The following IL1RAPL2 variants were observed in gnomAD, a reference collection of about 807,000 sequenced individuals.
IL1RAPL2 encodes the protein interleukin 1 receptor accessory protein like 2, also known as X-linked interleukin-1 receptor accessory protein-like 2.
Under a neutral mutation model 44.1 loss-of-function variants are expected in IL1RAPL2, and 3 were observed. That is an observed-to-expected ratio of 0.07 (90% CI 0.03 to 0.18). The LOEUF is 0.18. Ranked by LOEUF, IL1RAPL2 falls within the 10% of genes least tolerant of loss-of-function variation. The pLI is 1.00. For missense variants in IL1RAPL2, 391 were observed against 496.4 expected, an observed-to-expected ratio of 0.79 and a Z score of 2.02; for synonymous variants, 181 against 178.8, an observed-to-expected ratio of 1.01 and a Z score of -0.10.
At chrX:104,660,091 C>A (rs1930360827) in intron 2 of IL1RAPL2, among the ~76,000 whole-genome samples, 1 of 111,380 alleles carries the variant, frequency 9.0e-6, no homozygotes, top group African/African-American at 3.3e-5. Context: ...AATATATTGT[C>A]TTTTTCTCTT....
chrX:104,917,837 C>T (rs964725670), intron 2 of IL1RAPL2, among the ~76,000 whole-genome samples: 5 of 111,614 alleles, frequency 4.5e-5, no homozygotes, highest in East Asian at 2.8e-4. Flanking sequence ...TTAAGAGTTT[C>T]GGACTGAATT....
At chrX:104,821,382 C>A (rs1385279076) in intron 2 of IL1RAPL2, among the ~76,000 whole-genome samples, 2 of 110,801 alleles carry the variant, frequency 1.8e-5, no homozygotes, top group African/African-American at 6.6e-5. Context: ...TCTCCTAATG[C>A]TGTCCCTCCC....
At position 104,897,482 on chromosome X, in the gene IL1RAPL2, C is replaced by T. The variant is rs187780798; in HGVS notation, c.82+238487C>T. The stretch of plus-strand genomic sequence containing the variant: ...GGGCTCATAATCTGATAAAGAGTCA[C>T]TTCATATTCTACTGGTCAAAATGCT... On this transcript the variant is annotated intron_variant, in intron 2 of 10. Coordinates refer to ENST00000372582, the MANE Select transcript of IL1RAPL2 (RefSeq NM_017416.2). 4.5e-5 allele frequency among the ~76,000 whole-genome samples: 5 copies of T among 112,032 alleles called. No individual in the cohort carries two copies. The East Asian group carries it at 1.1e-3, about 25-fold the overall frequency.
chrX:105,675,221 G>A lies in IL1RAPL2; in HGVS notation c.773-42146G>A, dbSNP rs146925376. ...TGTTGAATAGCAGTGGTGAGAAAGG[G>A]CATCTTTGTCTTGTGCCAGTTTTCA... On this transcript the variant is annotated intron_variant, in intron 6 of 10. Transcript: ENST00000372582. 1.0e-3 allele frequency among the ~76,000 whole-genome samples: 116 copies of A among 111,417 alleles called. 1 individual carries two copies. The highest frequency in any genetic ancestry group is 9.6e-3 in the East Asian group (34 of 3,537).
At chrX:105,405,269 A>G (rs1205760041) in intron 5 of IL1RAPL2, among the ~76,000 whole-genome samples, 1 of 111,665 alleles carries the variant, frequency 9.0e-6, no homozygotes, top group East Asian at 2.8e-4. Context: ...CTTCCTTTAT[A>G]TACCTTTAGG....
intron 2 of IL1RAPL2, among the ~76,000 whole-genome samples, chrX:105,036,637 C>T (rs967145038): frequency 8.9e-6 from 1 of 112,146 alleles, no homozygotes; most frequent in Non-Finnish European, 1.9e-5. Context: ...ACTTGCTTGT[C>T]TGTCCTGCAC....
chrX:104,881,714 T>C (rs932384280), intron 2 of IL1RAPL2, among the ~76,000 whole-genome samples: 1 of 112,163 alleles, frequency 8.9e-6, no homozygotes, highest in Non-Finnish European at 1.9e-5. Context: ...GTATCTGTCC[T>C]ATTGCAGAAC....
At chrX:104,608,233 T>TG (rs1165807920) in intron 1 of IL1RAPL2, among the ~76,000 whole-genome samples, 1 of 104,056 alleles carries the variant, frequency 9.6e-6, no homozygotes, top group African/African-American at 3.6e-5. Flanking sequence ...AGTCAGGGGG[T>TG]GGGGGGCTGT....
chrX:104,963,333 G>A (rs1318716325), intron 2 of IL1RAPL2, among the ~76,000 whole-genome samples: 1 of 111,942 alleles, frequency 8.9e-6, no homozygotes, highest in Non-Finnish European at 1.9e-5. Context: ...CAACCAAGGA[G>A]GTTTCATCAT....
intron 2 of IL1RAPL2, among the ~76,000 whole-genome samples, chrX:104,673,029 T>C (rs1300636205): frequency 1.8e-5 from 2 of 111,726 alleles, no homozygotes; most frequent in Non-Finnish European, 3.8e-5. Context: ...TGCAAAAATT[T>C]TCTCCCATTT....
chrX:105,209,005 C>T (rs2033786943), intron 3 of IL1RAPL2, among the ~76,000 whole-genome samples: 1 of 111,785 alleles, frequency 8.9e-6, no homozygotes, highest in Non-Finnish European at 1.9e-5. Context: ...TTTCATTTTG[C>T]TCACATGAAT....
At chrX:104,791,332 A>T (rs755272397) in intron 2 of IL1RAPL2, among the ~76,000 whole-genome samples, 1 of 108,208 alleles carries the variant, frequency 9.2e-6, no homozygotes, top group Non-Finnish European at 1.9e-5. Context: ...GAGGAGTCCC[A>T]AGCAGCTGTG....
intron 6 of IL1RAPL2, among the ~76,000 whole-genome samples, chrX:105,646,770 G>A (rs887495690): frequency 1.8e-5 from 2 of 111,947 alleles, no homozygotes; most frequent in Non-Finnish European, 3.8e-5. Context: ...GTACTTGAGT[G>A]ACAGCCCCAG....
chrX:104,930,487 T>G (rs1479537214), intron 2 of IL1RAPL2, among the ~76,000 whole-genome samples: 1 of 111,901 alleles, frequency 8.9e-6, no homozygotes, highest in Non-Finnish European at 1.9e-5. Context: ...TCAAGAACTT[T>G]ACATGAAGTA....
chrX:104,908,015 A>G (rs1477307595), intron 2 of IL1RAPL2, among the ~76,000 whole-genome samples: 1 of 110,761 alleles, frequency 9.0e-6, no homozygotes, highest in Non-Finnish European at 1.9e-5. Context: ...TATTTAGGAT[A>G]GTTAGCTCTT....
intron 6 of IL1RAPL2, among the ~76,000 whole-genome samples, chrX:105,516,536 G>A (rs1375774046): frequency 8.9e-6 from 1 of 111,775 alleles, no homozygotes; most frequent in Non-Finnish European, 1.9e-5. Context: ...AAATGGTTTG[G>A]TTGACCTTTT....
chrX:104,811,361 G>A (rs370765209), intron 2 of IL1RAPL2, among the ~76,000 whole-genome samples: 3 of 111,648 alleles, frequency 2.7e-5, no homozygotes, highest in East Asian at 2.8e-4. Flanking sequence ...TGGTGATTAC[G>A]GAAGCCAGAG....
rs1185804084 is a variant in IL1RAPL2, at chrX:105,019,225, C to T, written c.83-176250C>T. Among the ~76,000 whole-genome samples, 3 of 111,742 alleles carry T rather than the reference C, an allele frequency of 2.7e-5. No homozygotes were observed. The Admixed American group carries it at 2.9e-4, about 11-fold the overall frequency. ...CTGTATTCTTTAGTAGCATGTTTTG[C>T]TTTCTTGCAGAATATATTTTTTCTT... On this transcript the variant is annotated intron_variant, in intron 2 of 10. Transcript: ENST00000372582.
At chrX:105,508,071 C>CAT (rs2036443650) in intron 6 of IL1RAPL2, among the ~76,000 whole-genome samples, 2 of 111,555 alleles carry the variant, frequency 1.8e-5, no homozygotes, top group African/African-American at 6.5e-5. Context: ...ACCTCTGTTC[C>CAT]ATTGCAATGT....
Sources: gnomAD v4.1 joint callset for allele counts (sites outside exome capture counted in the v4.1 genomes callset) on GRCh38, gnomAD v4.1.1 for gene constraint, MANE v1.5 for transcripts, NCBI Gene and HGNC (gene_info 2026-07-23, HGNC 2026-07-21) for gene names.